QTMAN: variants seen among roughly 807,000 people sequenced by gnomAD.
The protein encoded by QTMAN is tRNA-queuosine alpha-mannosyltransferase.
At chr2:144,083,519 T>C in the QTMAN span, among the ~76,000 whole-genome samples, 1 of 152,180 alleles carries the variant, frequency 6.6e-6, no homozygotes, top group East Asian at 1.9e-4. Context: ...GAACACTCAA[T>C]TTTGGAGTAG....
the QTMAN span, among the ~76,000 whole-genome samples, chr2:144,088,499 G>T: frequency 6.6e-6 from 1 of 151,952 alleles, no homozygotes; most frequent in Non-Finnish European, 1.5e-5. Context: ...CTAAAAAAGA[G>T]CCTAAATAGC....
At chr2:143,979,167 A>C in the QTMAN span, among the ~76,000 whole-genome samples, 2 of 152,188 alleles carry the variant, frequency 1.3e-5, no homozygotes, top group African/African-American at 2.4e-5. Flanking sequence ...AATTAAAAAA[A>C]AAAACAAAAC....
At chr2:144,251,369 G>C in the QTMAN span, among the ~76,000 whole-genome samples, 2 of 152,006 alleles carry the variant, frequency 1.3e-5, no homozygotes, top group South Asian at 4.1e-4. Flanking sequence ...AGAAATAGAC[G>C]CACACAAATA....
the QTMAN span, among the ~76,000 whole-genome samples, chr2:144,297,213 T>C: frequency 6.6e-6 from 1 of 152,178 alleles, no homozygotes; most frequent in African/African-American, 2.4e-5. Context: ...TCAACAATTA[T>C]CATTACTCTG....
the QTMAN span, among the ~76,000 whole-genome samples, chr2:144,274,600 CAGGTTG>C: frequency 1.3e-5 from 2 of 152,274 alleles, no homozygotes; most frequent in Non-Finnish European, 2.9e-5. Flanking sequence ...GAGGAGCTTC[CAGGTTG>C]CTGAATGCAT....
the QTMAN span, among the ~76,000 whole-genome samples, chr2:144,255,125 T>G: frequency 1.3e-5 from 2 of 152,206 alleles, no homozygotes; most frequent in Non-Finnish European, 2.9e-5. Context: ...TTTGGTGGAC[T>G]GTTGGAAAGG....
chr2:144,009,980 T>C, the QTMAN span, among the ~76,000 whole-genome samples: 8 of 151,724 alleles, frequency 5.3e-5, no homozygotes, highest in Non-Finnish European at 8.8e-5. Flanking sequence ...AGTAACCTAT[T>C]TGTTTATGTC....
the QTMAN span, among the ~76,000 whole-genome samples, chr2:144,131,548 A>G: frequency 6.6e-6 from 1 of 151,948 alleles, no homozygotes; most frequent in Non-Finnish European, 1.5e-5. Context: ...CCAAATGACT[A>G]TAGGCCAAAG....
At chr2:144,086,154 G>T in the QTMAN span, among the ~76,000 whole-genome samples, 1 of 152,150 alleles carries the variant, frequency 6.6e-6, no homozygotes, top group African/African-American at 2.4e-5. Flanking sequence ...CAGAGCTGAG[G>T]TTAAAGAGCT....
At chr2:144,233,256 C>A in the QTMAN span, among the ~76,000 whole-genome samples, 2,539 of 152,068 alleles carry the variant, frequency 0.017, 65 homozygotes, top group African/African-American at 0.058. Flanking sequence ...GTCAACATGA[C>A]CAAAGTTAGC....
the QTMAN span, among the ~76,000 whole-genome samples, chr2:144,197,344 T>C: frequency 2.6e-5 from 4 of 152,122 alleles, no homozygotes; most frequent in Admixed American, 1.3e-4. Context: ...TGTAGATATA[T>C]GTATGTGTGT....
At chr2:143,995,903 A>T in the QTMAN span, among the ~76,000 whole-genome samples, 21 of 152,142 alleles carry the variant, frequency 1.4e-4, no homozygotes, top group African/African-American at 2.2e-4. Flanking sequence ...TGCAAACTTT[A>T]AAAATCGAAC....
the QTMAN span, among the ~76,000 whole-genome samples, chr2:144,314,570 G>A: frequency 2.6e-5 from 4 of 152,018 alleles, no homozygotes; most frequent in South Asian, 2.1e-4. Flanking sequence ...AAAATTAGCC[G>A]GGCATGGTGG....
chr2:144,304,924 T>C, the QTMAN span, among the ~76,000 whole-genome samples: 1 of 152,220 alleles, frequency 6.6e-6, no homozygotes, highest in Non-Finnish European at 1.5e-5. Context: ...AAAATTTCTA[T>C]TCAGATACTT....
At chr2:143,962,746 G>C in the QTMAN span, among the ~76,000 whole-genome samples, 1 of 152,156 alleles carries the variant, frequency 6.6e-6, no homozygotes, top group Non-Finnish European at 1.5e-5. Context: ...CAGTAGAGAA[G>C]AGAAAGAGGC....
At chr2:144,090,117 G>A in the QTMAN span, among the ~76,000 whole-genome samples, 1 of 151,830 alleles carries the variant, frequency 6.6e-6, no homozygotes, top group Non-Finnish European at 1.5e-5. Context: ...ACAAGCAAAG[G>A]TAAGATTATC....
the QTMAN span, among the ~76,000 whole-genome samples, chr2:144,166,281 C>G: frequency 6.6e-6 from 1 of 152,196 alleles, no homozygotes; most frequent in Non-Finnish European, 1.5e-5. Flanking sequence ...ACAAACTTGT[C>G]TGCATCATTT....
chr2:144,165,098 G>C, the QTMAN span, among the ~76,000 whole-genome samples: 1 of 152,180 alleles, frequency 6.6e-6, no homozygotes, highest in African/African-American at 2.4e-5. Flanking sequence ...CTGGCCAGGT[G>C]CGGTGGCTCA....
chr2:144,002,199 G>A, the QTMAN span, among the ~76,000 whole-genome samples: 1 of 151,806 alleles, frequency 6.6e-6, no homozygotes, highest in Non-Finnish European at 1.5e-5. Flanking sequence ...TTTTATTTAA[G>A]TTCATCCCCT....
Sources: gnomAD v4.1 joint callset for allele counts (sites outside exome capture counted in the v4.1 genomes callset) on GRCh38, gnomAD v4.1.1 for gene constraint, MANE v1.5 for transcripts, NCBI Gene and HGNC (gene_info 2026-07-23, HGNC 2026-07-21) for gene names.